BMPR1B: variants seen among roughly 807,000 people sequenced by gnomAD.
The protein encoded by BMPR1B is bone morphogenetic protein receptor type-1B.
BMPR1B carries 12 observed loss-of-function variants against 59.1 expected under a neutral mutation model. That is an observed-to-expected ratio of 0.20 (90% CI 0.13 to 0.33). The LOEUF (loss-of-function observed/expected upper bound fraction) is 0.33, where lower values mean the gene tolerates loss of function less well. BMPR1B is among the 10% of genes least tolerant of loss of function. BMPR1B has a pLI of 1.00. For missense variants in BMPR1B, 550 were observed against 610.9 expected (o/e 0.90, Z 1.05); for synonymous variants, 237 against 207.3 (o/e 1.14, Z -1.23).
intron 2 of BMPR1B, among the ~76,000 whole-genome samples, chr4:94,894,260 AC>A (rs1366556171): frequency 2.0e-5 from 3 of 152,046 alleles, no homozygotes; most frequent in Non-Finnish European, 2.9e-5. Flanking sequence ...GTTGGAGATC[AC>A]CCTGGGTCTC....
chr4:94,758,385 G>T (rs1721612907), intron 1 of BMPR1B, among the ~76,000 whole-genome samples: 1 of 151,922 alleles, frequency 6.6e-6, no homozygotes, highest in Admixed American at 6.6e-5. Flanking sequence ...AGGAGTCGGG[G>T]CAGCGGCGGC....
chr4:95,115,536 T>G, intron 5 of BMPR1B, 149 bp from the exon 6 acceptor site: 4 of 724,510 alleles, frequency 5.5e-6, no homozygotes, highest in Non-Finnish European at 9.5e-6. Context: ...ATAAATTACC[T>G]TATAGAGGAG....
At chr4:95,114,110 G>T (rs765568436) in intron 4 of BMPR1B, among the ~76,000 whole-genome samples, 24 of 152,068 alleles carry the variant, frequency 1.6e-4, no homozygotes, top group Non-Finnish European at 2.6e-4. Flanking sequence ...AGAAGCAGAG[G>T]TACTAAATGT....
chr4:94,980,790 T>C (rs1398372256), intron 2 of BMPR1B, among the ~76,000 whole-genome samples: 1 of 152,162 alleles, frequency 6.6e-6, no homozygotes, highest in Non-Finnish European at 1.5e-5. Flanking sequence ...TGTAACAATA[T>C]AGTCTACTAG....
At chr4:95,037,361 A>G (rs1725334077) in intron 3 of BMPR1B, among the ~76,000 whole-genome samples, 1 of 152,234 alleles carries the variant, frequency 6.6e-6, no homozygotes, top group South Asian at 2.1e-4. Flanking sequence ...TTTCCCTGGT[A>G]GATGAAATGA....
chr4:94,778,754 T>A (rs1722478642), intron 1 of BMPR1B, among the ~76,000 whole-genome samples: 1 of 152,212 alleles, frequency 6.6e-6, no homozygotes, highest in African/African-American at 2.4e-5. Flanking sequence ...ATAACTGATG[T>A]TTTCATGATT....
chr4:95,044,751 G>A (rs928443651), intron 3 of BMPR1B, among the ~76,000 whole-genome samples: 4 of 152,150 alleles, frequency 2.6e-5, no homozygotes, highest in Non-Finnish European at 2.9e-5. Flanking sequence ...CTAGTGATGT[G>A]GAATGCTGCA....
At chr4:94,968,545 G>A (rs1730647807) in intron 2 of BMPR1B, among the ~76,000 whole-genome samples, 1 of 152,066 alleles carries the variant, frequency 6.6e-6, no homozygotes, top group African/African-American at 2.4e-5. Flanking sequence ...TGTGTTTATG[G>A]GGGAATATTG....
At chr4:94,886,272 T>C (rs1338426246) in intron 2 of BMPR1B, among the ~76,000 whole-genome samples, 1 of 152,192 alleles carries the variant, frequency 6.6e-6, no homozygotes, top group African/African-American at 2.4e-5. Context: ...AAGATTAAAA[T>C]ATTCTGAAAG....
chr4:94,930,019 G>A (rs1300935043), intron 2 of BMPR1B, among the ~76,000 whole-genome samples: 1 of 151,882 alleles, frequency 6.6e-6, no homozygotes. Flanking sequence ...TGCTTGTTCT[G>A]TCTCCTTAAT....
intron 1 of BMPR1B, among the ~76,000 whole-genome samples, chr4:94,770,186 G>GTTTTTTTTTTTTTTTTTTTTTTTTTTTTT (rs56902521): frequency 1.8e-5 from 1 of 54,128 alleles, no homozygotes; most frequent in South Asian, 5.6e-4. Flanking sequence ...TTCTGTGTTT[G>GTTTTTTTTTTTTTTTTTTTTTTTTTTTTT]TTTTTTTTTT....
At chr4:94,927,334 T>G (rs11943406) in intron 2 of BMPR1B, among the ~76,000 whole-genome samples, 53,985 of 152,020 alleles carry the variant, frequency 0.36, 9,868 homozygotes, top group South Asian at 0.47. Context: ...GGATTGCTAA[T>G]GGCATTTAAG....
At chr4:95,050,005 C>T (rs1040729144) in intron 3 of BMPR1B, among the ~76,000 whole-genome samples, 7 of 152,014 alleles carry the variant, frequency 4.6e-5, no homozygotes, top group Non-Finnish European at 1.0e-4. Context: ...GAAATGTGAG[C>T]AGTGGGAGCT....
chr4:95,042,901 C>T (rs906591995), intron 3 of BMPR1B, among the ~76,000 whole-genome samples: 5 of 152,138 alleles, frequency 3.3e-5, no homozygotes, highest in East Asian at 1.9e-4. Flanking sequence ...CTCGGCCGGG[C>T]GCGGTGGCTC....
chr4:94,778,838 C>A (rs1453274919), intron 1 of BMPR1B, among the ~76,000 whole-genome samples: 1 of 151,932 alleles, frequency 6.6e-6, no homozygotes, highest in African/African-American at 2.4e-5. Flanking sequence ...TGTGAAGTGC[C>A]TGTTCATATC....
At chr4:95,036,058 T>TC (rs1456686051) in intron 3 of BMPR1B, among the ~76,000 whole-genome samples, 1 of 152,080 alleles carries the variant, frequency 6.6e-6, no homozygotes, top group African/African-American at 2.4e-5. Flanking sequence ...TAAAAGGAGT[T>TC]GAGTTCTTGA....
chr4:95,048,903 G>T (rs1216555932), intron 3 of BMPR1B, among the ~76,000 whole-genome samples: 3 of 152,090 alleles, frequency 2.0e-5, no homozygotes, highest in Non-Finnish European at 4.4e-5. Flanking sequence ...CCCCTTCATT[G>T]TTGGCACCTA....
chr4:94,928,784 T>A (rs1728985802), intron 2 of BMPR1B, among the ~76,000 whole-genome samples: 1 of 152,094 alleles, frequency 6.6e-6, no homozygotes, highest in South Asian at 2.1e-4. Flanking sequence ...TTTTATGTGG[T>A]TGAATAATAA....
intron 1 of BMPR1B, among the ~76,000 whole-genome samples, chr4:94,867,882 C>T (rs189983997): frequency 6.6e-6 from 1 of 152,184 alleles, no homozygotes; most frequent in East Asian, 1.9e-4. Flanking sequence ...AGTCTCACTT[C>T]CATCACCCAC....
Sources: gnomAD v4.1 joint callset for allele counts (sites outside exome capture counted in the v4.1 genomes callset) on GRCh38, gnomAD v4.1.1 for gene constraint, MANE v1.5 for transcripts, NCBI Gene and HGNC (gene_info 2026-07-23, HGNC 2026-07-21) for gene names.